Variants in MYCBP2 observed in about 807,000 individuals in gnomAD.
MYCBP2 encodes MYC binding protein 2.
A neutral mutation model predicts 525.3 loss-of-function variants in MYCBP2; 120 were observed. The ratio of observed to expected loss-of-function variants is 0.23; its 90% CI spans 0.20 to 0.27. MYCBP2 has a LOEUF of 0.27. MYCBP2 is among the 10% of genes least tolerant of loss of function. MYCBP2 has a pLI of 1.00. For synonymous variants in MYCBP2, 1,894 were observed against 1,955.8 expected (o/e 0.97, Z 0.83); for missense variants, 4,149 against 5,657.1 (o/e 0.73, Z 8.55).
At chr13:77,132,104 T>G (rs2052986248) in intron 52 of MYCBP2, among the ~76,000 whole-genome samples, 1 of 152,164 alleles carries the variant, frequency 6.6e-6, no homozygotes, top group Admixed American at 6.5e-5. Context: ...TTACGAAACT[T>G]TAACACTAAG....
rs775898401 is a variant in MYCBP2 at position 77,058,442 on chromosome 13, T to TA, written c.13141-37dup. ...TGAATTACAATGTTACACAAGTATG[T>TA]AAAAAAGCACACATTCTGGTAATTT... On this transcript the variant is annotated intron_variant, in intron 77 of 82. Transcript: ENST00000544440. The surrounding 1 kb of genome is among the most constrained non-coding windows in gnomAD (Gnocchi z 4.1). 2.9e-5 allele frequency: 43 copies of TA among 1,493,194 alleles called. No individual in the cohort carries two copies. Among genetic ancestry groups the TA allele is most frequent in the Non-Finnish European group, 3.3e-5 (37 of 1,114,542 alleles). 92.5% of individuals were successfully genotyped at this position (1,493,194 alleles called of 1,614,324 possible).
intron 46 of MYCBP2, among the ~76,000 whole-genome samples, chr13:77,152,111 T>G (rs2056544720): frequency 6.6e-6 from 1 of 152,228 alleles, no homozygotes; most frequent in African/African-American, 2.4e-5. Context: ...TCTTTATGTT[T>G]ATTGTTCTTA....
intron 55 of MYCBP2, among the ~76,000 whole-genome samples, chr13:77,117,217 T>C (rs1425215191): frequency 6.6e-6 from 1 of 152,084 alleles, no homozygotes; most frequent in Non-Finnish European, 1.5e-5. Context: ...CATGTGACAC[T>C]ATTTTGTTTC....
chr13:77,326,455 G>T lies in MYCBP2; in HGVS notation c.302+19C>A. On this transcript the variant is annotated intron_variant, in intron 1 of 82. Coordinates refer to ENST00000544440, the MANE Select transcript of MYCBP2 (RefSeq NM_015057.5). This position sits in a 1 kb window ranked among gnomAD's most constrained non-coding sequence, Gnocchi z 4.2. ...GAAGGGCGGCATGGGGCGCAAGGAA[G>T]GGCACCCTGGGGACGCACCTGGAGG... is the stretch of plus-strand genomic sequence containing the variant. The T allele has an allele frequency of 6.5e-7, 1 of 1,532,534 alleles. No homozygotes were observed. 94.9% of individuals were successfully genotyped at this position (1,532,534 alleles called of 1,614,324 possible).
At chr13:77,227,220 A>T (rs1314586300) in intron 18 of MYCBP2, among the ~76,000 whole-genome samples, 4 of 152,058 alleles carry the variant, frequency 2.6e-5, no homozygotes, top group African/African-American at 4.8e-5. Context: ...CAAATACTGC[A>T]TCTCAAATAT....
In MYCBP2 at chr13:77,222,885, T is replaced by C. The variant is rs145621832; in HGVS notation, c.2939+1566A>G. Reference sequence around the variant, plus strand: ...TGAAGGTAAGTTCTCTTTCTTTCACTGTATGTAAAGGAGAAACCATAGAAG... The same window carrying C: ...TGAAGGTAAGTTCTCTTTCTTTCACCGTATGTAAAGGAGAAACCATAGAAG... On this transcript the variant is annotated intron_variant, in intron 20 of 82. Coordinates refer to ENST00000544440, the MANE Select transcript of MYCBP2 (RefSeq NM_015057.5). Among the ~76,000 whole-genome samples, 8 of 152,312 alleles carry C rather than the reference T, an allele frequency of 5.3e-5. No individual in the cohort carries two copies. In the East Asian group the frequency reaches 1.5e-3, roughly 29 times the overall value.
chr13:77,167,546 A>C (rs913805469), intron 40 of MYCBP2, among the ~76,000 whole-genome samples: 3 of 152,226 alleles, frequency 2.0e-5, no homozygotes, highest in Non-Finnish European at 4.4e-5. Flanking sequence ...AGGGGACTTA[A>C]GAGACATACT....
intron 51 of MYCBP2, among the ~76,000 whole-genome samples, chr13:77,139,648 C>T (rs1406303729): frequency 6.6e-6 from 1 of 152,102 alleles, no homozygotes; most frequent in Non-Finnish European, 1.5e-5. Flanking sequence ...GTCTTCCTTC[C>T]CTTATATTTA....
At chr13:77,131,857 A>C (rs1032950580) in intron 52 of MYCBP2, among the ~76,000 whole-genome samples, 3 of 152,194 alleles carry the variant, frequency 2.0e-5, no homozygotes, top group African/African-American at 7.2e-5. Context: ...CTAAGCTGAT[A>C]ATCTTTCATG....
Position 77,183,894 on chromosome 13 carries a change from T to G in MYCBP2, c.4719+1209A>C, listed in dbSNP as rs563466108. ...TATGGTATTTCATGTTTTTTCTTTC[T>G]CTCTTCTCTCCCAGTCAGGTTTGCT... On this transcript the variant is annotated intron_variant, in intron 32 of 82. Coordinates refer to ENST00000544440, the MANE Select transcript of MYCBP2 (RefSeq NM_015057.5). Among the ~76,000 whole-genome samples the G allele has an allele frequency of 6.6e-5, 10 of 152,276 alleles. No individual in the cohort carries two copies. The South Asian group carries it at 1.0e-3, about 16-fold the overall frequency.
intron 20 of MYCBP2, among the ~76,000 whole-genome samples, chr13:77,219,661 A>T (rs1380004596): frequency 6.6e-6 from 1 of 152,096 alleles, no homozygotes; most frequent in Non-Finnish European, 1.5e-5. Flanking sequence ...TATGGATGGA[A>T]GTAGGTTTGC....
At position 77,210,971 on chromosome 13, in the gene MYCBP2, T is replaced by G. The variant is rs573694167; in HGVS notation, c.3416+196A>C. On this transcript the variant is annotated intron_variant, in intron 23 of 82. Transcript: ENST00000544440. ...GGAGCTGGGATAAACCTAGGTAGTG[T>G]TGCTTAAAATGCATGCTCTTAACCA... 2.0e-4 allele frequency among the ~76,000 whole-genome samples: 31 copies of G among 152,290 alleles called. 1 individual carries two copies. Among genetic ancestry groups the G allele is most frequent in the African/African-American group, 6.7e-4 (28 of 41,568 alleles).
chr13:77,112,355 A>G (rs894379842), intron 55 of MYCBP2, among the ~76,000 whole-genome samples: 1 of 146,448 alleles, frequency 6.8e-6, no homozygotes, highest in African/African-American at 2.5e-5. Context: ...TTTTATATAT[A>G]ATATTTTATT....
chr13:77,113,904 T>G (rs1019537792), intron 55 of MYCBP2, among the ~76,000 whole-genome samples: 1 of 152,156 alleles, frequency 6.6e-6, no homozygotes, highest in Non-Finnish European at 1.5e-5. Flanking sequence ...AAAGTTTTAT[T>G]AAACTTTGAT....
intron 30 of MYCBP2, among the ~76,000 whole-genome samples, chr13:77,186,937 A>G (rs10467631): frequency 0.07 from 10,527 of 149,916 alleles, 568 homozygotes; most frequent in African/African-American, 0.15. Flanking sequence ...TCAGCCTCCC[A>G]AGCAGCTGGG....
At chr13:77,220,001 A>G (rs1056101273) in intron 20 of MYCBP2, among the ~76,000 whole-genome samples, 4 of 152,200 alleles carry the variant, frequency 2.6e-5, no homozygotes, top group African/African-American at 9.7e-5. Flanking sequence ...AGGAGGATTA[A>G]TGACCATTGT....
chr13:77,056,584 T>C (rs960580330), intron 79 of MYCBP2, among the ~76,000 whole-genome samples: 2 of 152,214 alleles, frequency 1.3e-5, no homozygotes, highest in African/African-American at 4.8e-5. Flanking sequence ...TCTGTTCTAG[T>C]GGTACTGAGG....
At chr13:77,322,751 T>A (rs1470544397) in intron 1 of MYCBP2, among the ~76,000 whole-genome samples, 1 of 152,238 alleles carries the variant, frequency 6.6e-6, no homozygotes, top group African/African-American at 2.4e-5. Flanking sequence ...CTCTAACATT[T>A]AGCCACTGTG....
chr13:77,322,011 C>A (rs1023388083), intron 1 of MYCBP2, among the ~76,000 whole-genome samples: 1 of 152,058 alleles, frequency 6.6e-6, no homozygotes, highest in Non-Finnish European at 1.5e-5. Context: ...AAATAAAAAA[C>A]AAGCCAGGCA....
Sources: allele counts gnomAD v4.1 joint callset (sites outside exome capture counted in the v4.1 genomes callset), GRCh38; gene constraint gnomAD v4.1.1; non-coding constraint Gnocchi (gnomAD v3.1); transcripts MANE v1.5; gene names NCBI Gene and HGNC (gene_info 2026-07-23, HGNC 2026-07-21).